The following HDAC4 variants were observed in gnomAD, a reference collection of about 807,000 sequenced individuals.
HDAC4 encodes the protein histone deacetylase A.
Under a neutral mutation model 135.1 loss-of-function variants are expected in HDAC4, and 16 were observed. The ratio of observed to expected loss-of-function variants is 0.12; its 90% CI spans 0.08 to 0.18. HDAC4 has a LOEUF of 0.18. Ranked by LOEUF, HDAC4 falls within the 10% of genes least tolerant of loss-of-function variation. HDAC4 has a pLI of 1.00. For missense variants in HDAC4, 1,143 were observed against 1,511.8 expected, an observed-to-expected ratio of 0.76 and a Z score of 4.05; for synonymous variants, 685 against 653.4, an observed-to-expected ratio of 1.05 and a Z score of -0.74.
Position 239,265,712 on chromosome 2 carries a change from C to T in HDAC4, c.23-29048G>A, listed in dbSNP as rs534230712. Reference sequence around the variant, plus strand: ...AAAGACACAGCCACCAGGCTGGGTGCAGGCTCAAGGTCAGCCAGCTCTGCA... The same window carrying T: ...AAAGACACAGCCACCAGGCTGGGTGTAGGCTCAAGGTCAGCCAGCTCTGCA... On this transcript the variant is annotated intron_variant, in intron 2 of 26. Transcript: ENST00000543185. Among the ~76,000 whole-genome samples the T allele has an allele frequency of 1.3e-3, 196 of 152,366 alleles. 2 individuals carry two copies. The highest frequency in any genetic ancestry group is 5.6e-3 in the Admixed American group (85 of 15,310).
chr2:239,191,741 GCAGT>G (rs1416780315), intron 3 of HDAC4, among the ~76,000 whole-genome samples: 3 of 152,086 alleles, frequency 2.0e-5, no homozygotes, highest in Non-Finnish European at 4.4e-5. Flanking sequence ...CTGCCCCACC[GCAGT>G]CAATCATGCT....
chr2:239,200,859 C>T (rs1044629065), intron 3 of HDAC4, among the ~76,000 whole-genome samples: 1 of 151,958 alleles, frequency 6.6e-6, no homozygotes, highest in Middle Eastern at 3.2e-3. Flanking sequence ...CATGGCCAGG[C>T]CTGGATGGCA....
intron 2 of HDAC4, among the ~76,000 whole-genome samples, chr2:239,260,743 C>T (rs73100727): frequency 6.6e-6 from 1 of 152,196 alleles, no homozygotes; most frequent in Admixed American, 6.5e-5. Flanking sequence ...TGCCTGGCCT[C>T]CCCCTGGGCA....
intron 2 of HDAC4, among the ~76,000 whole-genome samples, chr2:239,249,346 A>G (rs1575521913): frequency 6.6e-6 from 1 of 152,108 alleles, no homozygotes; most frequent in African/African-American, 2.4e-5. Context: ...GGGGAGGCGG[A>G]GAGAGAGCTG....
intron 2 of HDAC4, among the ~76,000 whole-genome samples, chr2:239,247,341 C>G (rs912714425): frequency 6.6e-6 from 1 of 152,206 alleles, no homozygotes; most frequent in African/African-American, 2.4e-5. Flanking sequence ...ACGTAGAACC[C>G]GTGTGGGAGG....
intron 3 of HDAC4, among the ~76,000 whole-genome samples, chr2:239,220,783 A>G (rs559439509): frequency 6.6e-6 from 1 of 152,302 alleles, no homozygotes; most frequent in East Asian, 1.9e-4. Flanking sequence ...ATGGGAAACG[A>G]GCCATATATT....
chr2:239,315,325 T>C (rs1463081335), intron 2 of HDAC4, among the ~76,000 whole-genome samples: 1 of 152,194 alleles, frequency 6.6e-6, no homozygotes, highest in African/African-American at 2.4e-5. Context: ...AGGCACGTCC[T>C]TAAGCTTGGC....
At chr2:239,088,801 C>T (rs1217958760) in intron 18 of HDAC4, among the ~76,000 whole-genome samples, 1 of 152,242 alleles carries the variant, frequency 6.6e-6, no homozygotes, top group Admixed American at 6.5e-5. Context: ...GAACACACGG[C>T]TCTGCCCCTG....
intron 3 of HDAC4, among the ~76,000 whole-genome samples, chr2:239,215,180 G>A (rs530776280): frequency 4.6e-5 from 7 of 152,336 alleles, no homozygotes; most frequent in Admixed American, 4.6e-4. Context: ...GGGGCGCTTG[G>A]ATGTGATGAT....
rs190905276 is a variant in HDAC4, at chr2:239,331,003, G to C, written c.22+21675C>G. 7.2e-4 allele frequency among the ~76,000 whole-genome samples: 110 copies of C among 152,290 alleles called. No individual in the cohort carries two copies. Among genetic ancestry groups the C allele is most frequent in the African/African-American group, 2.6e-3 (108 of 41,544 alleles). On this transcript the variant is annotated intron_variant, in intron 2 of 26. Coordinates refer to ENST00000543185, the MANE Select transcript of HDAC4 (RefSeq NM_001378414.1). The surrounding 1 kb of genome is among the most constrained non-coding windows in gnomAD (Gnocchi z 4.5). ...CTGACACAGACCTGCTGCCCTGTGC[G>C]TGCGCATTCCCAACCTGCCTGACCT...
At chr2:239,132,101 A>C (rs942597532) in intron 11 of HDAC4, among the ~76,000 whole-genome samples, 4 of 152,054 alleles carry the variant, frequency 2.6e-5, no homozygotes, top group African/African-American at 9.7e-5. Flanking sequence ...GGAGTGAGAG[A>C]GCATGGGAGG....
intron 3 of HDAC4, among the ~76,000 whole-genome samples, chr2:239,191,336 G>A (rs905674713): frequency 2.6e-5 from 4 of 152,226 alleles, no homozygotes; most frequent in Admixed American, 2.0e-4. Flanking sequence ...CACTCAGCCC[G>A]TCTCTGGACT....
chr2:239,111,963 C>G (rs1029866389), intron 13 of HDAC4, among the ~76,000 whole-genome samples: 2 of 152,184 alleles, frequency 1.3e-5, no homozygotes, highest in African/African-American at 4.8e-5. Flanking sequence ...GGAAGGCAGG[C>G]TGTCCACGTG....
intron 12 of HDAC4, among the ~76,000 whole-genome samples, chr2:239,121,176 C>T (rs55746286): frequency 0.013 from 2,006 of 152,150 alleles, 40 homozygotes; most frequent in African/African-American, 0.046. Flanking sequence ...AGGCTGGTCT[C>T]GAACTCTTGA....
chr2:239,392,500 T>G (rs1696295692), intron 1 of HDAC4, among the ~76,000 whole-genome samples: 1 of 152,176 alleles, frequency 6.6e-6, no homozygotes, highest in Admixed American at 6.5e-5. Context: ...TGGCTCACTT[T>G]AAAGGTCCAA....
intron 3 of HDAC4, among the ~76,000 whole-genome samples, chr2:239,204,973 C>T (rs1348360888): frequency 1.3e-5 from 2 of 152,202 alleles, no homozygotes; most frequent in Non-Finnish European, 1.5e-5. Flanking sequence ...CCCTACCCCA[C>T]CTGTCATCAA....
Position 239,186,861 on chromosome 2 carries a change from G to A in HDAC4, c.339+2972C>T, listed in dbSNP as rs181873678. 8.5e-5 allele frequency: 13 copies of A among 152,350 alleles called. No homozygotes were observed. The East Asian group carries it at 2.5e-3, about 29-fold the overall frequency. The allele number at this position is 152,350 out of a possible 1,614,324, so 9.4% of individuals were successfully genotyped here. ...TTCTGGCCTCCTAGGACTACCTTGA[G>A]GAGCCCCAGTCAAACACACGGGGCT... On this transcript the variant is annotated intron_variant, in intron 4 of 26. Coordinates refer to ENST00000543185, the MANE Select transcript of HDAC4 (RefSeq NM_001378414.1).
chr2:239,347,423 A>AT (rs1205107771), intron 2 of HDAC4, among the ~76,000 whole-genome samples: 1 of 152,180 alleles, frequency 6.6e-6, no homozygotes, highest in Non-Finnish European at 1.5e-5. Flanking sequence ...TTTTATGTGG[A>AT]TGGGGGTAGC....
intron 15 of HDAC4, among the ~76,000 whole-genome samples, chr2:239,105,247 C>T (rs1465922468): frequency 6.6e-6 from 1 of 152,230 alleles, no homozygotes; most frequent in African/African-American, 2.4e-5. Flanking sequence ...TGGCCCTGGT[C>T]TCTGTGGCAT....
Sources: allele counts gnomAD v4.1 joint callset (sites outside exome capture counted in the v4.1 genomes callset), GRCh38; gene constraint gnomAD v4.1.1; non-coding constraint Gnocchi (gnomAD v3.1); transcripts MANE v1.5; gene names NCBI Gene and HGNC (gene_info 2026-07-23, HGNC 2026-07-21).